The following LMF1 variants were observed in gnomAD, a reference collection of about 807,000 sequenced individuals.
LMF1 encodes lipase maturation factor 1, also known as transmembrane protein 112.
In LMF1, 68 loss-of-function variants were observed where a neutral mutation model predicts 60.6. That is an observed-to-expected ratio of 1.12 (90% CI 0.92 to 1.37). LMF1 has a LOEUF of 1.37. Among genes scored for constraint, LMF1 ranks in the 40% most tolerant of loss-of-function variants. The pLI is 0.00. For synonymous variants in LMF1, 418 were observed against 324.7 expected, an observed-to-expected ratio of 1.29 and a Z score of -3.09; for missense variants, 948 against 767.2, an observed-to-expected ratio of 1.24 and a Z score of -2.78.
chr16:957,079 C>A (rs944115489), intron 1 of LMF1, among the ~76,000 whole-genome samples: 2 of 151,582 alleles, frequency 1.3e-5, no homozygotes, highest in African/African-American at 4.8e-5. Context: ...ATCACTTGAA[C>A]CCGGGAGGCT....
intron 2 of LMF1, chr16:934,570 A>G: frequency 2.6e-6 from 1 of 386,630 alleles, no homozygotes; most frequent in Non-Finnish European, 4.8e-6. Context: ...ATTAAATGCC[A>G]CGGCAAATGT....
rs952267786 is a variant in LMF1 at position 962,385 on chromosome 16, C to T, written c.194-7719G>A. Among the ~76,000 whole-genome samples, 16 of 152,234 alleles carry T rather than the reference C, an allele frequency of 1.1e-4. No homozygotes were observed. The highest frequency in any genetic ancestry group is 3.6e-4 in the African/African-American group (15 of 41,458). On this transcript the variant is annotated intron_variant, in intron 1 of 10. Transcript: ENST00000262301. The surrounding 1 kb of genome is among the most constrained non-coding windows in gnomAD (Gnocchi z 4.5). ...AGGAATTCCACATAATGTCCGCAGA[C>T]ACTCCCTTCAGGAGGCGGGGGCTGG... is the stretch of plus-strand genomic sequence containing the variant.
chr16:954,124 C>A, intron 2 of LMF1: 2 of 655,970 alleles, frequency 3.0e-6, no homozygotes, highest in Non-Finnish European at 5.6e-6. Flanking sequence ...CAACGCAGTC[C>A]TTTAAGTAAG....
At chr16:886,274 C>T (rs750957222) in intron 5 of LMF1, among the ~76,000 whole-genome samples, 1 of 152,166 alleles carries the variant, frequency 6.6e-6, no homozygotes, top group East Asian at 1.9e-4. Context: ...TCCTTGGCTG[C>T]GTGGGTAGAA....
chr16:879,696 G>C lies in LMF1; in HGVS notation c.771C>G (p.His257Gln). The change falls in exon 6 of 11, where the codon CAC becomes CAG. Residue 257 changes from histidine (H) to glutamine (Q), a missense_variant. Coordinates refer to ENST00000262301, the MANE Select transcript of LMF1 (RefSeq NM_022773.4). ...CGAAGCGATGGAACCACCAGGGTGA[G>C]TGGTGCAGGTAGTACGCCACAGGAT... ...MPNPVAYYLH[H>Q]SPWWFHRFET... The C allele has an allele frequency of 3.1e-6, 5 of 1,603,944 alleles. No homozygotes were observed. Among genetic ancestry groups the C allele is most frequent in the Non-Finnish European group, 4.3e-6 (5 of 1,175,700 alleles).
intron 10 of LMF1, among the ~76,000 whole-genome samples, chr16:864,769 C>T (rs1161564692): frequency 6.6e-6 from 1 of 151,152 alleles, no homozygotes; most frequent in Non-Finnish European, 1.5e-5. Flanking sequence ...GGATTACAGG[C>T]ATGCACCACC....
chr16:875,875 C>T (rs1182967453), intron 6 of LMF1, among the ~76,000 whole-genome samples: 9 of 152,186 alleles, frequency 5.9e-5, no homozygotes, highest in South Asian at 4.1e-4. Flanking sequence ...GTCTCCAGCC[C>T]GGCCCTCCTC....
intron 3 of LMF1, among the ~76,000 whole-genome samples, chr16:925,617 C>T (rs2071570857): frequency 6.6e-6 from 1 of 152,026 alleles, no homozygotes; most frequent in Non-Finnish European, 1.5e-5. Context: ...TGCCTGTGGT[C>T]CTAGCTACTT....
At chr16:979,180 A>AGCTCCGTCCCG in intron 1 of LMF1, 1 of 437,318 alleles carries the variant, frequency 2.3e-6, no homozygotes, top group South Asian at 1.6e-5. Flanking sequence ...CCTCTCTGAA[A>AGCTCCGTCCCG]GCTCCGTCCC....
At chr16:972,975 G>A (rs371461161), upstream of LMF1, among the ~76,000 whole-genome samples, 84 of 152,330 alleles carry the variant, frequency 5.5e-4, no homozygotes, top group African/African-American at 1.9e-3. Flanking sequence ...GGCTTGGGCC[G>A]GGGAGAGGTG....
At chr16:979,539 G>A (rs987727024) in intron 1 of LMF1, 43 of 425,562 alleles carry the variant, frequency 1.0e-4, no homozygotes, top group African/African-American at 8.1e-4. Flanking sequence ...CCCAGAGTCA[G>A]GGCCTGGATG....
rs888211655 is a variant in LMF1, at chr16:962,762, G to A, written c.193+8026C>T. Among the ~76,000 whole-genome samples the A allele has an allele frequency of 2.0e-5, 3 of 152,180 alleles. No homozygotes were observed. On this transcript the variant is annotated intron_variant, in intron 1 of 10. Transcript: ENST00000262301. The surrounding 1 kb of genome is among the most constrained non-coding windows in gnomAD (Gnocchi z 4.5). ...CCAGGACAAAACCGGGTCCCAGAACGGAACAGGCACGGGTGGAAAAGCCAT... is the reference window on the plus strand; with the variant it reads ...CCAGGACAAAACCGGGTCCCAGAACAGAACAGGCACGGGTGGAAAAGCCAT...
chr16:924,347 G>A (rs113131502), intron 3 of LMF1, among the ~76,000 whole-genome samples: 18 of 152,176 alleles, frequency 1.2e-4, no homozygotes, highest in South Asian at 6.2e-4. Context: ...GAAGTGGTAC[G>A]GCAAGGGCTT....
rs1398231424 is a variant in LMF1 at position 878,759 on chromosome 16, G to A, written c.897+811C>T. 6.6e-6 allele frequency among the ~76,000 whole-genome samples: 1 copy of A among 151,762 alleles called. No individual in the cohort carries two copies. The highest frequency in any genetic ancestry group is 1.5e-5 in the Non-Finnish European group (1 of 67,914). ...CAGGGGAAGGGCGGGGGCAGGGGCG[G>A]GCAGGGCAGGGGAAGGGGCGTGGGA... On this transcript the variant is annotated intron_variant, in intron 6 of 10. Coordinates refer to ENST00000262301, the MANE Select transcript of LMF1 (RefSeq NM_022773.4). This position sits in a 1 kb window ranked among gnomAD's most constrained non-coding sequence, Gnocchi z 5.2.
At chr16:904,006 T>C (rs1344180744) in intron 4 of LMF1, 4 of 182,314 alleles carry the variant, frequency 2.2e-5, no homozygotes, top group Non-Finnish European at 3.9e-5. Flanking sequence ...CTCTGCTGTG[T>C]GGTGGTGACC....
At chr16:860,374 C>G (rs1162906512) in intron 10 of LMF1, among the ~76,000 whole-genome samples, 2 of 151,128 alleles carry the variant, frequency 1.3e-5, no homozygotes, top group Non-Finnish European at 2.9e-5. Flanking sequence ...GGCTCTCGCT[C>G]TGTTGCCCAG....
At chr16:898,547 C>T (rs1350226193) in intron 4 of LMF1, among the ~76,000 whole-genome samples, 1 of 152,204 alleles carries the variant, frequency 6.6e-6, no homozygotes, top group Non-Finnish European at 1.5e-5. Flanking sequence ...GGGGGCAGAG[C>T]CAAGGGGTGG....
intron 1 of LMF1, 107 bp downstream of exon 1, chr16:970,680 TG>T: frequency 9.7e-7 from 1 of 1,027,680 alleles, no homozygotes; most frequent in Non-Finnish European, 1.4e-6. Context: ...GAGGGCTGCG[TG>T]GGGGCGCCGC....
At chr16:973,329 A>G (rs552053916), upstream of LMF1, among the ~76,000 whole-genome samples, 3 of 152,314 alleles carry the variant, frequency 2.0e-5, no homozygotes, top group Non-Finnish European at 4.4e-5. Flanking sequence ...TGGGCCACAG[A>G]GCGAGACTCT....
Sources: gnomAD v4.1 joint callset for allele counts (sites outside exome capture counted in the v4.1 genomes callset) on GRCh38, gnomAD v4.1.1 for gene constraint, Gnocchi (gnomAD v3.1) non-coding constraint, MANE v1.5 for transcripts, NCBI Gene and HGNC (gene_info 2026-07-23, HGNC 2026-07-21) for gene names.